FIRRM: variants seen among roughly 807,000 people sequenced by gnomAD.
FIRRM encodes the protein FIGNL1 interacting regulator of recombination and mitosis.
chr1:169,785,845 C>T, the FIRRM span, among the ~76,000 whole-genome samples: 13 of 152,178 alleles, frequency 8.5e-5, no homozygotes, highest in African/African-American at 3.1e-4. Flanking sequence ...TAATCAAATA[C>T]TGGGCTGATC....
chr1:169,853,080 A>AAAG, the FIRRM span: 143 of 1,212,252 alleles, frequency 1.2e-4, 1 homozygote, highest in South Asian at 1.8e-3. Context: ...CAAATTTTGT[A>AAAG]AAGTTGAATC....
the FIRRM span, chr1:169,836,928 T>G: frequency 6.2e-7 from 1 of 1,608,382 alleles, no homozygotes; most frequent in African/African-American, 1.3e-5. Context: ...TTATTTCAGC[T>G]GGAGTTTATC....
At chr1:169,806,094 T>C in the FIRRM span, 1 of 1,546,326 alleles carries the variant, frequency 6.5e-7, no homozygotes, top group East Asian at 2.3e-5. Context: ...ATTAAGTAAG[T>C]TTGTTTGTTA....
At chr1:169,784,921 C>T in the FIRRM span, 2 of 152,276 alleles carry the variant, frequency 1.3e-5, no homozygotes, top group East Asian at 1.9e-4. Flanking sequence ...ATAGTAAGTA[C>T]TCAGTGCGTT....
chr1:169,820,723 C>T, the FIRRM span, among the ~76,000 whole-genome samples: 4 of 152,160 alleles, frequency 2.6e-5, no homozygotes, highest in South Asian at 6.2e-4. Context: ...CACTACTTAA[C>T]GAAAGTTGAC....
the FIRRM span, among the ~76,000 whole-genome samples, chr1:169,806,298 G>A: frequency 2.0e-5 from 3 of 152,152 alleles, no homozygotes; most frequent in African/African-American, 4.8e-5. Flanking sequence ...TAAAAAAAAT[G>A]TTCTTCCTAG....
At chr1:169,795,647 A>G in the FIRRM span, 44 of 991,966 alleles carry the variant, frequency 4.4e-5, no homozygotes, top group Non-Finnish European at 4.9e-5. Context: ...TCTCCCGTAA[A>G]AAGGGTGGTG....
At chr1:169,840,820 G>C in the FIRRM span, among the ~76,000 whole-genome samples, 2 of 151,948 alleles carry the variant, frequency 1.3e-5, no homozygotes, top group East Asian at 3.9e-4. Flanking sequence ...TTGTGTTCCT[G>C]ATTTGCCACT....
the FIRRM span, among the ~76,000 whole-genome samples, chr1:169,809,634 T>C: frequency 6.6e-6 from 1 of 152,210 alleles, no homozygotes; most frequent in Admixed American, 6.5e-5. Flanking sequence ...AAACTGCTTA[T>C]AGATGGAAAT....
At chr1:169,852,478 A>C in the FIRRM span, 2 of 334,424 alleles carry the variant, frequency 6.0e-6, no homozygotes, top group African/African-American at 2.1e-5. Flanking sequence ...AAATACATTT[A>C]TGAACTTGTT....
chr1:169,803,195 C>T, the FIRRM span: 1 of 1,613,908 alleles, frequency 6.2e-7, no homozygotes, highest in Non-Finnish European at 8.5e-7. Flanking sequence ...TAGGAGCTCT[C>T]ACAGGATGTG....
At chr1:169,815,477 A>G in the FIRRM span, among the ~76,000 whole-genome samples, 10 of 152,074 alleles carry the variant, frequency 6.6e-5, no homozygotes, top group African/African-American at 2.4e-4. Context: ...CCCTTTGTAG[A>G]TCATATAGGG....
the FIRRM span, among the ~76,000 whole-genome samples, chr1:169,820,590 A>G: frequency 6.6e-6 from 1 of 152,126 alleles, no homozygotes; most frequent in Admixed American, 6.5e-5. Context: ...CCGCAAACCA[A>G]AGTTCAGTCA....
chr1:169,817,534 T>C, the FIRRM span, among the ~76,000 whole-genome samples: 2 of 152,220 alleles, frequency 1.3e-5, no homozygotes, highest in African/African-American at 2.4e-5. Context: ...TATACAAATA[T>C]AGCCCAAAGA....
chr1:169,786,909 C>T, the FIRRM span, among the ~76,000 whole-genome samples: 6 of 148,822 alleles, frequency 4.0e-5, no homozygotes, highest in African/African-American at 1.2e-4. Flanking sequence ...TTGAATGATC[C>T]GTGACCGCTC....
chr1:169,836,921 T>C, the FIRRM span: 1 of 1,604,878 alleles, frequency 6.2e-7, no homozygotes, highest in South Asian at 1.1e-5. Flanking sequence ...TAACAATTTA[T>C]TTCAGCTGGA....
At chr1:169,805,692 T>C in the FIRRM span, among the ~76,000 whole-genome samples, 5 of 152,222 alleles carry the variant, frequency 3.3e-5, no homozygotes, top group Non-Finnish European at 5.9e-5. Context: ...CATTTTGGAT[T>C]AGAATTATAT....
the FIRRM span, chr1:169,847,851 T>A: frequency 1.6e-6 from 2 of 1,286,882 alleles, no homozygotes; most frequent in Non-Finnish European, 2.2e-6. Context: ...AAAATCTCTA[T>A]AAGAGTTAGT....
At chr1:169,851,749 T>C in the FIRRM span, 4 of 1,555,934 alleles carry the variant, frequency 2.6e-6, no homozygotes, top group South Asian at 5.0e-5. Flanking sequence ...TTAAATTATG[T>C]GGCCATTTCA....
Sources: allele counts gnomAD v4.1 joint callset (sites outside exome capture counted in the v4.1 genomes callset), GRCh38; gene constraint gnomAD v4.1.1; transcripts MANE v1.5; gene names NCBI Gene and HGNC (gene_info 2026-07-23, HGNC 2026-07-21).